ASAP2: variants seen among roughly 807,000 people sequenced by gnomAD.
ASAP2 encodes the protein arf-GAP with SH3 domain, ANK repeat and PH domain-containing protein 2.
In ASAP2, 45 loss-of-function variants were observed where a neutral mutation model predicts 131.4. That is an observed-to-expected ratio of 0.34 (90% CI 0.27 to 0.44). The LOEUF (loss-of-function observed/expected upper bound fraction) is 0.44, where lower values mean the gene tolerates loss of function less well. Ranked by LOEUF, ASAP2 falls within the 20% of genes least tolerant of loss-of-function variation. The pLI is 1.00. For missense variants in ASAP2, 1,011 were observed against 1,297.0 expected, an observed-to-expected ratio of 0.78 and a Z score of 3.39; for synonymous variants, 510 against 503.0, an observed-to-expected ratio of 1.01 and a Z score of -0.19.
At chr2:9,234,759 C>T (rs1412080067) in intron 1 of ASAP2, among the ~76,000 whole-genome samples, 1 of 152,160 alleles carries the variant, frequency 6.6e-6, no homozygotes, top group Non-Finnish European at 1.5e-5. Flanking sequence ...TCTGGTCAGC[C>T]ACTCTGGGGC....
At chr2:9,338,307 CTGTCTGTCTG>C (rs1326697750) in intron 9 of ASAP2, among the ~76,000 whole-genome samples, 1 of 152,050 alleles carries the variant, frequency 6.6e-6, no homozygotes, top group African/African-American at 2.4e-5. Flanking sequence ...CTCTCTCTCT[CTGTCTGTCTG>C]TGTCTGTCTA....
At chr2:9,380,868 T>C in intron 20 of ASAP2, 60 bp downstream of exon 20, 1 of 1,545,770 alleles carries the variant, frequency 6.5e-7, no homozygotes, top group Non-Finnish European at 8.9e-7. Flanking sequence ...GAGCCAAGCC[T>C]GTCCTCCTTG....
At chr2:9,374,564 C>T (rs913149386) in intron 16 of ASAP2, among the ~76,000 whole-genome samples, 191 bp from the exon 17 acceptor site, 1 of 152,128 alleles carries the variant, frequency 6.6e-6, no homozygotes, top group Admixed American at 6.5e-5. Flanking sequence ...CTGGCCAGTT[C>T]CCAGGAGGTC....
chr2:9,365,713 G>C (rs1367845219), intron 15 of ASAP2, among the ~76,000 whole-genome samples: 1 of 152,170 alleles, frequency 6.6e-6, no homozygotes, highest in Non-Finnish European at 1.5e-5. Context: ...TGCTCATCTG[G>C]GCCTGGTGCC....
intron 16 of ASAP2, among the ~76,000 whole-genome samples, chr2:9,372,921 C>T (rs1480012478): frequency 6.6e-6 from 1 of 152,160 alleles, no homozygotes; most frequent in African/African-American, 2.4e-5. Context: ...GTGGACTCCA[C>T]ACAGACAGGG....
At chr2:9,257,924 C>T (rs143771190) in intron 1 of ASAP2, among the ~76,000 whole-genome samples, 1 of 152,230 alleles carries the variant, frequency 6.6e-6, no homozygotes, top group Non-Finnish European at 1.5e-5. Flanking sequence ...GTGTTACTTT[C>T]TATGTTGTTG....
intron 24 of ASAP2, chr2:9,399,177 A>AG (rs1176015265): frequency 2.6e-5 from 4 of 152,300 alleles, no homozygotes; most frequent in African/African-American, 9.7e-5. Flanking sequence ...CGAGCAGCGA[A>AG]GGGAGTGTCG....
chr2:9,229,556 C>T (rs1326680220), intron 1 of ASAP2, among the ~76,000 whole-genome samples: 5 of 152,296 alleles, frequency 3.3e-5, no homozygotes, highest in African/African-American at 9.6e-5. Context: ...AGGAGCGGAG[C>T]GGTTGTGGCC....
In ASAP2 at chr2:9,376,947, G is replaced by A. The variant is rs1197348274; in HGVS notation, c.1786G>A (p.Val596Met). 15 of 1,614,002 alleles carry A rather than the reference G, an allele frequency of 9.3e-6. No homozygotes were observed. Among genetic ancestry groups the A allele is most frequent in the East Asian group, 4.5e-5 (2 of 44,890 alleles). ...GGCCCTCCACCTTGCAGTCAGATCCGTGGATCGAACCTCTCTTCACATTGT... is the reference window on the plus strand; with the variant it reads ...GGCCCTCCACCTTGCAGTCAGATCCATGGATCGAACCTCTCTTCACATTGT... ...ETALHLAVRS[V>M]DRTSLHIVDF... Residue 596 changes from valine (V) to methionine (M), a missense_variant, in exon 18 of 28, where the codon GTG becomes ATG. Physicochemically the swap from Val to Met is conservative, Grantham distance 21 (BLOSUM62 1). Around this residue, in one of 2 missense-constraint regions of ASAP2, gnomAD observed 652 missense variants for 698.9 expected, o/e 0.93. Transcript: ENST00000281419.
chr2:9,386,937 G>C (rs535123194), intron 21 of ASAP2, among the ~76,000 whole-genome samples: 1 of 152,334 alleles, frequency 6.6e-6, no homozygotes, highest in South Asian at 2.1e-4. Flanking sequence ...GAGCGCGGGG[G>C]CTCACGCCTG....
At position 9,334,039 on chromosome 2, in the gene ASAP2, C is replaced by CTTTTTTTTTTTT. The variant is rs35495550; in HGVS notation, c.687-684_687-673dup. Among the ~76,000 whole-genome samples the CTTTTTTTTTTTT allele has an allele frequency of 3.8e-5, 2 of 53,248 alleles. 1 individual carries two copies. The highest frequency in any genetic ancestry group is 1.4e-4 in the African/African-American group (2 of 14,056). The allele number at this position is 53,248 out of a possible 152,430, so 34.9% of individuals were successfully genotyped here. On this transcript the variant is annotated intron_variant, in intron 7 of 27. Coordinates refer to ENST00000281419, the MANE Select transcript of ASAP2 (RefSeq NM_003887.3). ...CTCTCTCTCTGTCTCTGTCTTTCTCCTTTTTTTTTTTTTTTTTTTTTTTTT... is the reference window on the plus strand; with the variant it reads ...CTCTCTCTCTGTCTCTGTCTTTCTCCTTTTTTTTTTTTTTTTTTTTTTTTTTTTTTTTTTTTT...
At chr2:9,395,585 G>GTTTTTTTTCTT (rs1676060491) in intron 24 of ASAP2, among the ~76,000 whole-genome samples, 1 of 76,218 alleles carries the variant, frequency 1.3e-5, no homozygotes, top group African/African-American at 3.9e-5. Context: ...TTTTTCTTGT[G>GTTTTTTTTCTT]TTTTTTTTCT....
At chr2:9,272,737 A>T (rs1666484756) in intron 1 of ASAP2, among the ~76,000 whole-genome samples, 1 of 152,186 alleles carries the variant, frequency 6.6e-6, no homozygotes, top group South Asian at 2.1e-4. Flanking sequence ...GTGTATGGTG[A>T]AAGATAGAGG....
chr2:9,223,643 C>T (rs957095443), intron 1 of ASAP2, among the ~76,000 whole-genome samples: 2 of 152,182 alleles, frequency 1.3e-5, no homozygotes, highest in Admixed American at 6.5e-5. Context: ...AAATGACCCC[C>T]AATGAAGTAG....
chr2:9,355,952 A>T, intron 12 of ASAP2, 95 bp from the exon 13 acceptor site: 1 of 1,443,154 alleles, frequency 6.9e-7, no homozygotes. Flanking sequence ...CAGAGAGCTA[A>T]GATTATTCCA....
chr2:9,396,503 CT>C (rs371418559), intron 24 of ASAP2, among the ~76,000 whole-genome samples: 9 of 152,250 alleles, frequency 5.9e-5, no homozygotes, highest in Non-Finnish European at 1.2e-4. Context: ...TCTCGAACTC[CT>C]GGGCTCAAGC....
At chr2:9,208,521 A>G (rs1233080331) in intron 1 of ASAP2, among the ~76,000 whole-genome samples, 1 of 151,844 alleles carries the variant, frequency 6.6e-6, no homozygotes, top group Non-Finnish European at 1.5e-5. Flanking sequence ...GTAGCTGTAA[A>G]CAGTCAATAA....
intron 1 of ASAP2, among the ~76,000 whole-genome samples, chr2:9,243,422 A>G (rs1664118724): frequency 6.6e-6 from 1 of 152,158 alleles, no homozygotes; most frequent in African/African-American, 2.4e-5. Flanking sequence ...GATTTTTTTT[A>G]TAATGTGCAT....
rs138932956 is a variant in ASAP2, at chr2:9,248,566, C to G, written c.127-30751C>G. On this transcript the variant is annotated intron_variant, in intron 1 of 27. Transcript: ENST00000281419. Reference sequence around the variant, plus strand: ...GCGTTTTGGGTCTCGGTTTCTTCCTCTGTAAAACCTCAGAGGTGTGTTCAG... The same window carrying G: ...GCGTTTTGGGTCTCGGTTTCTTCCTGTGTAAAACCTCAGAGGTGTGTTCAG... Among the ~76,000 whole-genome samples, 946 of 152,106 alleles carry G rather than the reference C, an allele frequency of 6.2e-3. 7 individuals carry two copies. Among genetic ancestry groups the G allele is most frequent in the Middle Eastern group, 0.014 (4 of 294 alleles).
Sources: allele counts gnomAD v4.1 joint callset (sites outside exome capture counted in the v4.1 genomes callset), GRCh38; gene constraint gnomAD v4.1.1; regional missense constraint gnomAD v4.1.1; transcripts MANE v1.5; gene names NCBI Gene and HGNC (gene_info 2026-07-23, HGNC 2026-07-21).